The following CD180 variants were observed in gnomAD, a reference collection of about 807,000 sequenced individuals.
CD180 encodes the protein CD180 molecule.
In CD180, 11 loss-of-function variants were observed where a neutral mutation model predicts 10.7. The ratio of observed to expected loss-of-function variants is 1.03; its 90% CI spans 0.65 to 1.70. The LOEUF is 1.70. Among genes scored for constraint, CD180 ranks in the 40% most tolerant of loss-of-function variants. CD180 has a pLI of 0.00. For missense variants in CD180, 729 were observed against 775.2 expected, an observed-to-expected ratio of 0.94 and a Z score of 0.71; for synonymous variants, 286 against 294.6, an observed-to-expected ratio of 0.97 and a Z score of 0.30.
chr5:67,186,848 C>CTGTGTGTGTGTGTGTG lies in CD180; in HGVS notation c.91-847_91-832dup, dbSNP rs56004314. Among the ~76,000 whole-genome samples the CTGTGTGTGTGTGTGTG allele has an allele frequency of 8.3e-3, 1,219 of 146,736 alleles. 20 individuals are homozygous for CTGTGTGTGTGTGTGTG. The highest frequency in any genetic ancestry group is 0.029 in the African/African-American group (1,161 of 39,378). On this transcript the variant is annotated intron_variant, in intron 1 of 2. Coordinates refer to ENST00000256447, the MANE Select transcript of CD180 (RefSeq NM_005582.3). ...TATGGAACAACTGACTTTGTTCTATCTGTGTGTGTGTGTGTGTGTGTGTGT... is the reference window on the plus strand; with the variant it reads ...TATGGAACAACTGACTTTGTTCTATCTGTGTGTGTGTGTGTGTGTGTGTGTGTGTGTGTGTGTGTGT...
intron 1 of CD180, among the ~76,000 whole-genome samples, chr5:67,195,287 G>T (rs550949286): frequency 6.6e-6 from 1 of 152,310 alleles, no homozygotes; most frequent in African/African-American, 2.4e-5. Context: ...CACAATCACG[G>T]CTCACTGCAA....
At position 67,183,553 on chromosome 5, in the gene CD180, G is replaced by A. The variant is rs772018894; in HGVS notation, c.1290C>T (p.Thr430=). 6.2e-7 allele frequency: 1 copy of A among 1,614,160 alleles called. No homozygotes were observed. The highest frequency in any genetic ancestry group is 8.5e-7 in the Non-Finnish European group (1 of 1,179,994). ...TTTGTGGAGCATTAATGTGTAAGCGGGTAAATGCCAAATCGAGGAGTTCTA... is the reference window on the plus strand; with the variant it reads ...TTTGTGGAGCATTAATGTGTAAGCGAGTAAATGCCAAATCGAGGAGTTCTA... ...PQLELLDLAF[T]RLHINAPQSP... is the part of the protein sequence containing the mutation. The change falls in exon 3 of 3, where the codon ACC becomes ACT. Residue 430 remains threonine (T), a synonymous_variant. Coordinates refer to ENST00000256447, the MANE Select transcript of CD180 (RefSeq NM_005582.3).
At chr5:67,186,214 A>G (rs1241424702) in intron 1 of CD180, 197 bp from the exon 2 acceptor site, 1 of 390,528 alleles carries the variant, frequency 2.6e-6, no homozygotes, top group Non-Finnish European at 4.5e-6. Flanking sequence ...AATTGACAAT[A>G]ACCAGACTAT....
chr5:67,191,557 G>A (rs1209580760), intron 1 of CD180, among the ~76,000 whole-genome samples: 2 of 152,216 alleles, frequency 1.3e-5, no homozygotes, highest in Admixed American at 6.5e-5. Flanking sequence ...GAGCTCACTT[G>A]AAAAGGGGAG....
At chr5:67,194,640 C>T (rs1742367520) in intron 1 of CD180, among the ~76,000 whole-genome samples, 1 of 152,200 alleles carries the variant, frequency 6.6e-6, no homozygotes, top group South Asian at 2.1e-4. Context: ...AGTCTCACAT[C>T]AATTAAACTT....
chr5:67,182,610 GA>G lies in CD180; in HGVS notation c.*246del. The G allele has an allele frequency of 3.0e-6, 1 of 330,464 alleles. No individual in the cohort carries two copies. Among genetic ancestry groups the G allele is most frequent in the Non-Finnish European group, 5.5e-6 (1 of 181,354 alleles). The allele number at this position is 330,464 out of a possible 1,614,324, so 20.5% of individuals were successfully genotyped here. On this transcript the variant is annotated 3_prime_UTR_variant, in exon 3 of 3. Transcript: ENST00000256447. ...GCTTCCTCCCACTCTTCCACATGCG[GA>G]AAGGGCTCTGTGCCTCTCACAGCAG...
intron 1 of CD180, among the ~76,000 whole-genome samples, chr5:67,195,468 T>C (rs367691853): frequency 2.0e-5 from 3 of 152,224 alleles, no homozygotes; most frequent in African/African-American, 7.2e-5. Flanking sequence ...ACACCCACCT[T>C]GGCCTCCCAA....
At chr5:67,188,129 C>A (rs1189907828) in intron 1 of CD180, among the ~76,000 whole-genome samples, 1 of 151,468 alleles carries the variant, frequency 6.6e-6, no homozygotes, top group East Asian at 1.9e-4. Flanking sequence ...AAGATTGCAC[C>A]ACTGCACTCC....
chr5:67,194,310 G>A (rs1742360520), intron 1 of CD180, among the ~76,000 whole-genome samples: 1 of 152,188 alleles, frequency 6.6e-6, no homozygotes, highest in Non-Finnish European at 1.5e-5. Context: ...CAGGAGTCAT[G>A]TGGCCAGAGG....
In CD180 at chr5:67,184,364, T is replaced by C; in HGVS notation, c.479A>G (p.His160Arg). Residue 160 changes from histidine (H) to arginine (R), a missense_variant, in exon 3 of 3, where the codon CAT becomes CGT. By Grantham distance (29) the His-to-Arg change is conservative (BLOSUM62 0). Transcript: ENST00000256447. Reference protein sequence around the residue: ...NLESLYLGSNHISSIKFPKDF... With the variant: ...NLESLYLGSNRISSIKFPKDF... ...TTTGGGGAACTTAATGGAGGAAATA[T>C]GGTTGCTTCCAAGATACAAGCTTTC... 6.2e-7 allele frequency: 1 copy of C among 1,614,098 alleles called. No individual in the cohort carries two copies. Among genetic ancestry groups the C allele is most frequent in the Non-Finnish European group, 8.5e-7 (1 of 1,179,942 alleles).
At position 67,182,426 on chromosome 5, in the gene CD180, G is replaced by T; in HGVS notation, c.*431C>A. The stretch of plus-strand genomic sequence containing the variant: ...CAAGCACAATGCTGTAGTGGGGGTG[G>T]GTAGTGGGCTGGCTTCAGCTCTGAC... On this transcript the variant is annotated 3_prime_UTR_variant, in exon 3 of 3. Transcript: ENST00000256447. The T allele has an allele frequency of 6.4e-6, 1 of 156,070 alleles. No individual in the cohort carries two copies. The allele number at this position is 156,070 out of a possible 1,614,324, so 9.7% of individuals were successfully genotyped here.
At position 67,183,559 on chromosome 5, in the gene CD180, T is replaced by G. The variant is rs987708093; in HGVS notation, c.1284A>C (p.Ala428=). ...ECPQLELLDL[A]FTRLHINAPQ... Reference sequence around the variant, plus strand: ...GAGCATTAATGTGTAAGCGGGTAAATGCCAAATCGAGGAGTTCTAGCTGAG... The same window carrying G: ...GAGCATTAATGTGTAAGCGGGTAAAGGCCAAATCGAGGAGTTCTAGCTGAG... Residue 428 remains alanine, a synonymous_variant, in exon 3 of 3, where the codon GCA becomes GCC. Transcript: ENST00000256447. 1.2e-6 allele frequency: 2 copies of G among 1,614,076 alleles called. No homozygotes were observed. The highest frequency in any genetic ancestry group is 1.7e-5 in the Admixed American group (1 of 60,008).
intron 1 of CD180, among the ~76,000 whole-genome samples, chr5:67,195,211 G>T (rs1742377259): frequency 6.6e-6 from 1 of 151,966 alleles, no homozygotes; most frequent in Non-Finnish European, 1.5e-5. Flanking sequence ...TTGTTTTTTG[G>T]TGTATTTTTG....
In CD180 at chr5:67,184,053, T is replaced by A; in HGVS notation, c.790A>T (p.Ser264Cys). The A allele has an allele frequency of 6.2e-7, 1 of 1,614,200 alleles. No homozygotes were observed. Among genetic ancestry groups the A allele is most frequent in the Non-Finnish European group, 8.5e-7 (1 of 1,180,034 alleles). The change falls in exon 3 of 3, where the codon AGT becomes TGT. Residue 264 changes from serine (S) to cysteine (C), a missense_variant. Transcript: ENST00000256447. ...TFEDIDDEDI[S>C]SAMLKGLCEM... is the part of the protein sequence containing the mutation. ...CAGAGTCCCTTGAGCATGGCTGAAC[T>A]AATATCTTCGTCATCAATGTCCTCA...
intron 2 of CD180, among the ~76,000 whole-genome samples, chr5:67,185,002 C>T (rs922191740): frequency 1.3e-5 from 2 of 152,034 alleles, no homozygotes; most frequent in Non-Finnish European, 2.9e-5. Flanking sequence ...TACAACTTTT[C>T]TCAACCTCTG....
intron 1 of CD180, among the ~76,000 whole-genome samples, 183 bp downstream of exon 1, chr5:67,196,369 A>G (rs906666061): frequency 6.6e-6 from 1 of 152,242 alleles, no homozygotes; most frequent in Non-Finnish European, 1.5e-5. Flanking sequence ...AGATGCCACC[A>G]GATGATCCCC....
At chr5:67,190,534 C>T (rs1407592169) in intron 1 of CD180, among the ~76,000 whole-genome samples, 1 of 152,218 alleles carries the variant, frequency 6.6e-6, no homozygotes, top group African/African-American at 2.4e-5. Context: ...CCTTTCTCAC[C>T]TCTCTGCTTC....
chr5:67,186,742 ATAAT>A lies in CD180; in HGVS notation c.91-729_91-726del, dbSNP rs571940883. Among the ~76,000 whole-genome samples, 14 of 152,334 alleles carry A rather than the reference ATAAT, an allele frequency of 9.2e-5. No individual in the cohort carries two copies. In the South Asian group the frequency reaches 2.7e-3, roughly 29 times the overall value. On this transcript the variant is annotated intron_variant, in intron 1 of 2. Transcript: ENST00000256447. Reference sequence around the variant, plus strand: ...TCTATGAAGTATTCTTGCCAAAAAAATAATTAAACTTTAAACTCATCAAGATTTT... The same window carrying A: ...TCTATGAAGTATTCTTGCCAAAAAAATAAACTTTAAACTCATCAAGATTTT...
Position 67,180,447 on chromosome 5 carries a change from T to TA in CD180, c.*2409dup, listed in dbSNP as rs1292459139. The TA allele has an allele frequency of 2.0e-5, 3 of 152,184 alleles. No individual in the cohort carries two copies. The highest frequency in any genetic ancestry group is 2.9e-5 in the Non-Finnish European group (2 of 68,040). The allele number at this position is 152,184 out of a possible 1,614,324, so 9.4% of individuals were successfully genotyped here. The stretch of plus-strand genomic sequence containing the variant: ...TTGGTGCTGTCTAAGACTGGATTCT[T>TA]AGAGTTTGGACCTTCCACATTTTAC... On this transcript the variant is annotated 3_prime_UTR_variant, in exon 3 of 3. Transcript: ENST00000256447.
Sources: gnomAD v4.1 joint callset for allele counts (sites outside exome capture counted in the v4.1 genomes callset) on GRCh38, gnomAD v4.1.1 for gene constraint, MANE v1.5 for transcripts, NCBI Gene and HGNC (gene_info 2026-07-23, HGNC 2026-07-21) for gene names.